The following PAX3 variants were observed in gnomAD, a reference collection of about 807,000 sequenced individuals.
PAX3 encodes paired box protein Pax-3.
A neutral mutation model predicts 51.6 loss-of-function variants in PAX3; 14 were observed. The ratio of observed to expected loss-of-function variants is 0.27; its 90% CI spans 0.18 to 0.42. PAX3 has a LOEUF of 0.42. Among genes scored for constraint, PAX3 ranks in the 10% least tolerant of loss-of-function variants. The probability of loss-of-function intolerance (pLI) is 1.00; values close to 1 mark genes in which losing one functional copy is unlikely to be tolerated. For missense variants in PAX3, 540 were observed against 642.8 expected, an observed-to-expected ratio of 0.84 and a Z score of 1.73; for synonymous variants, 280 against 253.4, an observed-to-expected ratio of 1.11 and a Z score of -1.00.
At chr2:222,264,573 C>CA (rs754323249) in intron 4 of PAX3, 20 of 151,738 alleles carry the variant, frequency 1.3e-4, no homozygotes, top group African/African-American at 4.4e-4. Flanking sequence ...CAAAGTAATC[C>CA]AAAAAAGTCT....
chr2:222,297,709 C>A (rs1039581197), intron 1 of PAX3, among the ~76,000 whole-genome samples: 1 of 152,204 alleles, frequency 6.6e-6, no homozygotes, highest in Admixed American at 6.5e-5. Context: ...AAAGAGGGTC[C>A]AGAAAGGAGG....
At chr2:222,254,597 G>C (rs547923036) in intron 4 of PAX3, among the ~76,000 whole-genome samples, 1 of 152,262 alleles carries the variant, frequency 6.6e-6, no homozygotes, top group South Asian at 2.1e-4. Flanking sequence ...TAGGATGCAA[G>C]AGAACATTGT....
intron 4 of PAX3, among the ~76,000 whole-genome samples, chr2:222,258,448 A>G (rs190723438): frequency 1.1e-4 from 16 of 152,310 alleles, no homozygotes; most frequent in African/African-American, 3.6e-4. Flanking sequence ...ATCTGAATAC[A>G]TTATCACAAA....
chr2:222,247,144 C>T (rs1003057096), intron 4 of PAX3, among the ~76,000 whole-genome samples: 3 of 152,178 alleles, frequency 2.0e-5, no homozygotes, highest in African/African-American at 7.2e-5. Context: ...TACAGCATCC[C>T]TCCCAAGTCC....
At chr2:222,291,070 C>T (rs1440576929) in intron 4 of PAX3, among the ~76,000 whole-genome samples, 1 of 152,082 alleles carries the variant, frequency 6.6e-6, no homozygotes, top group Non-Finnish European at 1.5e-5. Context: ...GGCGGAGCGG[C>T]GCGGCGCTTT....
At chr2:222,212,621 A>AC (rs1186982021) in intron 7 of PAX3, among the ~76,000 whole-genome samples, 8 of 107,644 alleles carry the variant, frequency 7.4e-5, no homozygotes, top group African/African-American at 1.4e-4. Flanking sequence ...TTGGAAAAAC[A>AC]AACACACACA....
At chr2:222,247,850 T>C (rs1693285793) in intron 4 of PAX3, among the ~76,000 whole-genome samples, 2 of 152,174 alleles carry the variant, frequency 1.3e-5, no homozygotes, top group Non-Finnish European at 2.9e-5. Flanking sequence ...AATGCTGTTT[T>C]GTTTCTGATT....
chr2:222,271,733 G>A (rs1240847151), intron 4 of PAX3, among the ~76,000 whole-genome samples: 1 of 152,124 alleles, frequency 6.6e-6, no homozygotes, highest in Non-Finnish European at 1.5e-5. Flanking sequence ...ATAAAGCTGA[G>A]GGGTATTTGA....
rs558522286 is a variant in PAX3, at chr2:222,211,828, T to G, written c.1173+8312A>C. ...TGTCAGGGCCTTTAGTAGGCTAATG[T>G]GCACTCGTACACTGAAAGGTAAAGG... On this transcript the variant is annotated intron_variant, in intron 7 of 8. Transcript: ENST00000392070. Among the ~76,000 whole-genome samples the G allele has an allele frequency of 8.5e-4, 129 of 152,194 alleles. 1 individual carries two copies. The highest frequency in any genetic ancestry group is 1.6e-3 in the Non-Finnish European group (112 of 68,024).
intron 4 of PAX3, chr2:222,262,475 T>C (rs1693899331): frequency 6.6e-6 from 1 of 152,130 alleles, no homozygotes; most frequent in East Asian, 1.9e-4. Flanking sequence ...ACATCCTCAG[T>C]TTGGCAGATA....
At chr2:222,292,186 G>T (rs760474821) in intron 4 of PAX3, among the ~76,000 whole-genome samples, 1 of 152,172 alleles carries the variant, frequency 6.6e-6, no homozygotes, top group African/African-American at 2.4e-5. Flanking sequence ...ACTTCCCGGC[G>T]CAGCAGCTAT....
chr2:222,251,170 T>C (rs937902220), intron 4 of PAX3, among the ~76,000 whole-genome samples: 1 of 152,182 alleles, frequency 6.6e-6, no homozygotes, highest in African/African-American at 2.4e-5. Context: ...TTGTTACATA[T>C]GTATACATGT....
At chr2:222,233,189 A>C (rs2106097090) in intron 4 of PAX3, 1 of 149,942 alleles carries the variant, frequency 6.7e-6, no homozygotes, top group Non-Finnish European at 1.5e-5. Context: ...GGGCCTTCTG[A>C]GTGTGTGGCC....
chr2:222,258,438 A>G (rs986837902), intron 4 of PAX3, among the ~76,000 whole-genome samples: 17 of 151,990 alleles, frequency 1.1e-4, no homozygotes, highest in Non-Finnish European at 1.8e-4. Context: ...TTGAAAAAAA[A>G]TCTGAATACA....
chr2:222,209,992 A>T (rs951039985), intron 7 of PAX3, among the ~76,000 whole-genome samples: 1 of 152,160 alleles, frequency 6.6e-6, no homozygotes, highest in African/African-American at 2.4e-5. Context: ...AAACTACTAC[A>T]CCATTAAGCT....
At chr2:222,267,135 A>C (rs960150536) in intron 4 of PAX3, among the ~76,000 whole-genome samples, 2 of 152,194 alleles carry the variant, frequency 1.3e-5, no homozygotes, top group Non-Finnish European at 2.9e-5. Context: ...ACAAAAAGTA[A>C]CTCAAAGTGT....
At chr2:222,277,561 G>C (rs1290958836) in intron 4 of PAX3, among the ~76,000 whole-genome samples, 2 of 152,144 alleles carry the variant, frequency 1.3e-5, no homozygotes, top group African/African-American at 4.8e-5. Context: ...AATCAAGCTT[G>C]TTCAACCCGT....
chr2:222,276,639 G>A (rs1694431661), intron 4 of PAX3, among the ~76,000 whole-genome samples: 2 of 152,206 alleles, frequency 1.3e-5, no homozygotes, highest in African/African-American at 2.4e-5. Flanking sequence ...GGAGAATGAG[G>A]TCCAGAAACG....
At chr2:222,266,542 G>A (rs1559296861) in intron 4 of PAX3, among the ~76,000 whole-genome samples, 1 of 152,128 alleles carries the variant, frequency 6.6e-6, no homozygotes, top group Admixed American at 6.6e-5. Context: ...CACATAGTGT[G>A]GCAGTTAAAA....
Sources: gnomAD v4.1 joint callset for allele counts (sites outside exome capture counted in the v4.1 genomes callset) on GRCh38, gnomAD v4.1.1 for gene constraint, MANE v1.5 for transcripts, NCBI Gene and HGNC (gene_info 2026-07-23, HGNC 2026-07-21) for gene names.